The following ENPEP variants were observed in gnomAD, a reference collection of about 807,000 sequenced individuals.
ENPEP encodes glutamyl aminopeptidase.
In ENPEP, 103 loss-of-function variants were observed where a neutral mutation model predicts 114.5. The observed-to-expected ratio is 0.90, with a 90% confidence interval of 0.77 to 1.06. The LOEUF is 1.06. Ranked by LOEUF, ENPEP falls within the 50% of genes least tolerant of loss-of-function variation. The probability of loss-of-function intolerance (pLI) is 0.00; values close to 1 mark genes in which losing one functional copy is unlikely to be tolerated. For missense variants in ENPEP, 1,196 were observed against 1,161.3 expected, an observed-to-expected ratio of 1.03 and a Z score of -0.43; for synonymous variants, 420 against 422.0, an observed-to-expected ratio of 1.00 and a Z score of 0.06.
At chr4:110,526,172 A>G (rs1726189207) in intron 10 of ENPEP, among the ~76,000 whole-genome samples, 1 of 152,060 alleles carries the variant, frequency 6.6e-6, no homozygotes, top group South Asian at 2.1e-4. Context: ...GCTACTCGGG[A>G]GGCTGAGGCA....
chr4:110,559,735 T>C lies in ENPEP; in HGVS notation c.2721+10T>C. The C allele has an allele frequency of 6.2e-7, 1 of 1,604,634 alleles. No homozygotes were observed. The highest frequency in any genetic ancestry group is 8.5e-7 in the Non-Finnish European group (1 of 1,172,454). Reference sequence around the variant, plus strand: ...ACTGCAACTGTGGCAGGTATGAAGATAAATTCCTCTGCATTTGTCCAAGAA... The same window carrying C: ...ACTGCAACTGTGGCAGGTATGAAGACAAATTCCTCTGCATTTGTCCAAGAA... On this transcript the variant is annotated intron_variant, in intron 19 of 19. Coordinates refer to ENST00000265162, the MANE Select transcript of ENPEP (RefSeq NM_001977.4).
At chr4:110,533,095 G>A (rs1330670925) in intron 11 of ENPEP, 2 of 452,482 alleles carry the variant, frequency 4.4e-6, no homozygotes, top group East Asian at 1.4e-4. Context: ...GTTAATTGAG[G>A]ATTGGAAGAA....
rs1377822443 is a variant in ENPEP, at chr4:110,543,017, A to G, written c.1947A>G (p.Thr649=). Residue 649 remains threonine, a splice_region_variant and synonymous_variant, in exon 13 of 20, where the codon ACA becomes ACG. Coordinates refer to ENST00000265162, the MANE Select transcript of ENPEP (RefSeq NM_001977.4). ...TCTCTCTTTCTCCCTCTTCCCAGAC[A>G]TTTTCTTCAGCAGATCGTGCAAGTC... ...IATALSLNHK[T]FSSADRASLI... is the part of the protein sequence containing the mutation. 6.2e-7 allele frequency: 1 copy of G among 1,612,956 alleles called. No individual in the cohort carries two copies. Among genetic ancestry groups the G allele is most frequent in the Non-Finnish European group, 8.5e-7 (1 of 1,179,302 alleles).
Position 110,563,488 on chromosome 4 carries a change from C to T in ENPEP, c.*1930C>T, listed in dbSNP as rs1327112579. 2 of 152,090 alleles carry T rather than the reference C, an allele frequency of 1.3e-5. No homozygotes were observed. The highest frequency in any genetic ancestry group is 2.9e-5 in the Non-Finnish European group (2 of 67,990). The allele number at this position is 152,090 out of a possible 1,614,324, so 9.4% of individuals were successfully genotyped here. ...AATAAGTCTTCTAGACCATCAGGTC[C>T]TTCTCAAACAACACCTGTTTTTTAA... is the stretch of plus-strand genomic sequence containing the variant. On this transcript the variant is annotated 3_prime_UTR_variant, in exon 20 of 20. Coordinates refer to ENST00000265162, the MANE Select transcript of ENPEP (RefSeq NM_001977.4).
At chr4:110,504,231 G>A (rs977619472) in intron 3 of ENPEP, among the ~76,000 whole-genome samples, 2 of 152,204 alleles carry the variant, frequency 1.3e-5, no homozygotes, top group Non-Finnish European at 2.9e-5. Context: ...TGGTTGTATT[G>A]TGGGCCCAAG....
chr4:110,507,281 C>G (rs1479365661), intron 4 of ENPEP, among the ~76,000 whole-genome samples: 1 of 152,138 alleles, frequency 6.6e-6, no homozygotes, highest in Non-Finnish European at 1.5e-5. Context: ...TTTTCTAATA[C>G]AGAGGGAGAC....
At chr4:110,502,430 GT>G (rs1178733971) in intron 3 of ENPEP, among the ~76,000 whole-genome samples, 3 of 152,118 alleles carry the variant, frequency 2.0e-5, no homozygotes, top group African/African-American at 7.2e-5. Context: ...TTTTTAACCT[GT>G]CTTGAGTTGA....
chr4:110,548,631 A>T (rs1380221061), intron 14 of ENPEP, among the ~76,000 whole-genome samples: 3 of 152,108 alleles, frequency 2.0e-5, no homozygotes, highest in Non-Finnish European at 4.4e-5. Flanking sequence ...AATACTAATT[A>T]GATCTTTTTT....
At chr4:110,543,435 G>A (rs562940981) in intron 13 of ENPEP, among the ~76,000 whole-genome samples, 1 of 152,158 alleles carries the variant, frequency 6.6e-6, no homozygotes, top group Non-Finnish European at 1.5e-5. Flanking sequence ...ATTCAGTTCT[G>A]TGAGCCCGAG....
chr4:110,519,934 GTTCAGTTC>G, intron 8 of ENPEP, 66 bp from the exon 9 acceptor site: 1 of 1,361,858 alleles, frequency 7.3e-7, no homozygotes. Flanking sequence ...AGTAGCAGGG[GTTCAGTTC>G]ATCTTGTGAA....
intron 13 of ENPEP, among the ~76,000 whole-genome samples, chr4:110,546,351 G>C (rs1053697418): frequency 6.6e-6 from 1 of 151,530 alleles, no homozygotes; most frequent in African/African-American, 2.4e-5. Flanking sequence ...AGTTTTTGTT[G>C]TTTTTTGTTT....
intron 3 of ENPEP, among the ~76,000 whole-genome samples, chr4:110,491,718 C>CTTT (rs970695793): frequency 1.2e-4 from 8 of 66,040 alleles, no homozygotes; most frequent in Non-Finnish European, 1.4e-4. Flanking sequence ...TTCTTTCTTT[C>CTTT]TTTTTTTTTT....
chr4:110,539,964 C>T (rs939001585), intron 11 of ENPEP, among the ~76,000 whole-genome samples: 5 of 151,830 alleles, frequency 3.3e-5, no homozygotes, highest in South Asian at 2.1e-4. Context: ...AAGAGGCTCT[C>T]GATGAAATTT....
intron 8 of ENPEP, among the ~76,000 whole-genome samples, chr4:110,516,590 A>C (rs1384792649): frequency 6.6e-6 from 1 of 151,330 alleles, no homozygotes; most frequent in African/African-American, 2.4e-5. Flanking sequence ...CTTCTTCTGT[A>C]TGTGATTCCC....
At chr4:110,511,967 A>T (rs898376248) in intron 6 of ENPEP, among the ~76,000 whole-genome samples, 2 of 151,970 alleles carry the variant, frequency 1.3e-5, no homozygotes, top group African/African-American at 2.4e-5. Context: ...TTTTGCCATG[A>T]TGGCCAGGCT....
chr4:110,526,775 G>A (rs375770712), intron 10 of ENPEP, among the ~76,000 whole-genome samples: 2 of 152,150 alleles, frequency 1.3e-5, no homozygotes, highest in South Asian at 4.1e-4. Context: ...GGACAATATT[G>A]CAATGAGCAG....
chr4:110,491,102 C>T lies in ENPEP; in HGVS notation c.856C>T (p.Leu286=). ...GAAGTCTGTCCCCATGAGCACGTAC[C>T]TGGTGTGCTTTGCTGTACATCAATT... is the stretch of plus-strand genomic sequence containing the variant. ...FEKSVPMSTY[L]VCFAVHQFDS... is the part of the protein sequence containing the mutation. The change falls in exon 3 of 20, where the codon CTG becomes TTG. Residue 286 remains leucine (L), a synonymous_variant. Coordinates refer to ENST00000265162, the MANE Select transcript of ENPEP (RefSeq NM_001977.4). The T allele has an allele frequency of 4.3e-6, 7 of 1,612,454 alleles. No homozygotes were observed. Among genetic ancestry groups the T allele is most frequent in the Non-Finnish European group, 5.9e-6 (7 of 1,179,838 alleles).
Position 110,548,168 on chromosome 4 carries a change from T to TTTTA in ENPEP, c.2001-6_2001-5insTATT. The TTTTA allele has an allele frequency of 7.4e-7, 1 of 1,344,400 alleles. No homozygotes were observed. 83.3% of individuals were successfully genotyped at this position (1,344,400 alleles called of 1,614,324 possible). A position where few individuals can be genotyped will look rare whatever the true frequency, so the allele number is the denominator to read the frequency against. ...TTTTTTTTTTTTTTTTTTTTTTGTCTTTCTCAGAGCTCAACTTCTAGATTA... is the reference window on the plus strand; with the variant it reads ...TTTTTTTTTTTTTTTTTTTTTTGTCTTTTATTCTCAGAGCTCAACTTCTAGATTA... On this transcript the variant is annotated splice_region_variant and splice_polypyrimidine_tract_variant and intron_variant, in intron 13 of 19. Coordinates refer to ENST00000265162, the MANE Select transcript of ENPEP (RefSeq NM_001977.4).
chr4:110,480,166 C>G (rs1184092235), intron 1 of ENPEP, among the ~76,000 whole-genome samples: 1 of 152,230 alleles, frequency 6.6e-6, no homozygotes, highest in Non-Finnish European at 1.5e-5. Flanking sequence ...GCAGTTGAAG[C>G]TCTCACATTA....
Sources: gnomAD v4.1 joint callset for allele counts (sites outside exome capture counted in the v4.1 genomes callset) on GRCh38, gnomAD v4.1.1 for gene constraint, MANE v1.5 for transcripts, NCBI Gene and HGNC (gene_info 2026-07-23, HGNC 2026-07-21) for gene names.